TBC1D19: variants seen among roughly 807,000 people sequenced by gnomAD.
The protein encoded by TBC1D19 is TBC1 domain family member 19, also known as TBC1 domain family, member 19.
In TBC1D19, 60 loss-of-function variants were observed where a neutral mutation model predicts 89.0. The observed-to-expected ratio is 0.67, with a 90% CI of 0.55 to 0.84. The LOEUF is 0.84. TBC1D19 is among the 40% of genes least tolerant of loss of function. The pLI is 0.00. For missense variants in TBC1D19, 500 were observed against 610.8 expected (o/e 0.82, Z 1.91); for synonymous variants, 189 against 199.7 (o/e 0.95, Z 0.45).
At chr4:26,739,285 C>T (rs1365233847) in intron 16 of TBC1D19, among the ~76,000 whole-genome samples, 1 of 152,056 alleles carries the variant, frequency 6.6e-6, no homozygotes, top group Non-Finnish European at 1.5e-5. Context: ...TCCTTTCTGC[C>T]TAAGGATTGT....
At chr4:26,831,018 A>G in the TBC1D19 span, among the ~76,000 whole-genome samples, 9 of 152,196 alleles carry the variant, frequency 5.9e-5, no homozygotes, top group Non-Finnish European at 1.2e-4. Flanking sequence ...GCTTTTTCCA[A>G]TAAATTGTTT....
At chr4:26,616,798 T>C (rs1741730052) in intron 3 of TBC1D19, among the ~76,000 whole-genome samples, 1 of 152,212 alleles carries the variant, frequency 6.6e-6, no homozygotes, top group Non-Finnish European at 1.5e-5. Flanking sequence ...GCACTCTCCA[T>C]TTCAGATTGC....
rs560774623 is a variant in TBC1D19 at position 26,645,861 on chromosome 4, C to T, written c.480+5674C>T. 2.0e-4 allele frequency among the ~76,000 whole-genome samples: 31 copies of T among 152,168 alleles called. No homozygotes were observed. The South Asian group carries it at 4.8e-3, about 23-fold the overall frequency. ...GCAAAGGGCCGGGCGCGGTGGCTCA[C>T]GCCTGTAATCCCAGCACTTTGGGAG... On this transcript the variant is annotated intron_variant, in intron 7 of 20. Coordinates refer to ENST00000264866, the MANE Select transcript of TBC1D19 (RefSeq NM_018317.4).
chr4:26,689,665 G>A (rs1289294234), intron 13 of TBC1D19, among the ~76,000 whole-genome samples: 1 of 152,008 alleles, frequency 6.6e-6, no homozygotes, highest in Non-Finnish European at 1.5e-5. Flanking sequence ...GATCTTTGAT[G>A]TTACTACTGT....
rs534680632 is a variant in TBC1D19 at position 26,703,801 on chromosome 4, A to C, written c.955-14132A>C. Among the ~76,000 whole-genome samples the C allele has an allele frequency of 8.0e-3, 1,212 of 151,684 alleles. 6 individuals carry two copies. The highest frequency in any genetic ancestry group is 0.018 in the South Asian group (85 of 4,814). On this transcript the variant is annotated intron_variant, in intron 13 of 20. Coordinates refer to ENST00000264866, the MANE Select transcript of TBC1D19 (RefSeq NM_018317.4). ...ACCCCATCTCTACTAAAAATACAAA[A>C]AAAAAAAAAATTAGCTGGGCGTGGT...
chr4:26,637,335 A>T, intron 5 of TBC1D19, 50 bp downstream of exon 5: 1 of 1,345,516 alleles, frequency 7.4e-7, no homozygotes, highest in Non-Finnish European at 1.1e-6. Flanking sequence ...AATCAAATAC[A>T]GAAAGTATCA....
At chr4:26,631,689 C>G (rs1742816215) in intron 4 of TBC1D19, among the ~76,000 whole-genome samples, 1 of 152,050 alleles carries the variant, frequency 6.6e-6, no homozygotes. Flanking sequence ...ATCAGCACTT[C>G]TTACATTCTT....
chr4:26,632,574 G>A (rs1431419047), intron 4 of TBC1D19, among the ~76,000 whole-genome samples: 1 of 152,030 alleles, frequency 6.6e-6, no homozygotes, highest in Non-Finnish European at 1.5e-5. Context: ...TGTCTTGCCT[G>A]GCAGAGGCAA....
At chr4:26,748,317 C>T in intron 18 of TBC1D19, 94 bp from the exon 19 acceptor site, 1 of 837,248 alleles carries the variant, frequency 1.2e-6, no homozygotes, top group East Asian at 2.5e-5. Context: ...ATTTCTAAGA[C>T]TCTTGAATAG....
At chr4:26,793,617 G>A in the TBC1D19 span, among the ~76,000 whole-genome samples, 3 of 151,942 alleles carry the variant, frequency 2.0e-5, no homozygotes, top group African/African-American at 7.3e-5. Flanking sequence ...CAGCTACTCA[G>A]GAGGCTGAGG....
At chr4:26,701,558 T>C (rs1404111458) in intron 13 of TBC1D19, among the ~76,000 whole-genome samples, 1 of 152,144 alleles carries the variant, frequency 6.6e-6, no homozygotes, top group Non-Finnish European at 1.5e-5. Flanking sequence ...GGGGTTATCT[T>C]TTTCATTATT....
At position 26,600,600 on chromosome 4, in the gene TBC1D19, G is replaced by C. The variant is rs542727607; in HGVS notation, c.100-12569G>C. Among the ~76,000 whole-genome samples the C allele has an allele frequency of 2.6e-5, 4 of 152,332 alleles. No homozygotes were observed. In the East Asian group the frequency reaches 7.7e-4, roughly 29 times the overall value. On this transcript the variant is annotated intron_variant, in intron 1 of 20. Transcript: ENST00000264866. ...TGTGAAGTGAATACTTTCAGGCATA[G>C]AGTATACCACGAAAGGAGGCTAAGA...
At chr4:26,759,335 G>T (rs1719381723), downstream of TBC1D19, among the ~76,000 whole-genome samples, 1 of 152,134 alleles carries the variant, frequency 6.6e-6, no homozygotes, top group South Asian at 2.1e-4. Context: ...CTCATTTACT[G>T]ATAAAGGAAT....
the TBC1D19 span, among the ~76,000 whole-genome samples, chr4:26,806,243 G>A: frequency 4.6e-5 from 7 of 152,158 alleles, no homozygotes; most frequent in Non-Finnish European, 1.5e-5. Flanking sequence ...CTACTCCAGT[G>A]CCACTTCCTC....
chr4:26,818,643 T>A, the TBC1D19 span, among the ~76,000 whole-genome samples: 1 of 152,206 alleles, frequency 6.6e-6, no homozygotes, highest in Non-Finnish European at 1.5e-5. Context: ...AATGTTAACA[T>A]TTACCACACT....
At chr4:26,842,887 A>G in the TBC1D19 span, among the ~76,000 whole-genome samples, 1 of 152,138 alleles carries the variant, frequency 6.6e-6, no homozygotes. Flanking sequence ...TGAATGGATG[A>G]ATGAAATCGT....
At chr4:26,635,906 A>G (rs1013882196) in intron 4 of TBC1D19, among the ~76,000 whole-genome samples, 1 of 152,120 alleles carries the variant, frequency 6.6e-6, no homozygotes, top group Non-Finnish European at 1.5e-5. Flanking sequence ...TTGAGCTTGG[A>G]GAGCAAATTT....
intron 13 of TBC1D19, among the ~76,000 whole-genome samples, chr4:26,694,067 G>A (rs982723599): frequency 6.6e-6 from 1 of 152,126 alleles, no homozygotes; most frequent in Non-Finnish European, 1.5e-5. Flanking sequence ...AGTGGGTGCA[G>A]CCCACCGAGT....
Position 26,637,227 on chromosome 4 carries a change from G to A in TBC1D19, c.311G>A (p.Arg104Lys). ...ATGTTTCAGGGAAGTTGGGAAAAAA[G>A]AATTTTGAAGAGTTTAAATAGTATG... ...MRKAQGSWEK[R>K]ILKSLNSMCT... The change falls in exon 5 of 21, where the codon AGA becomes AAA. Residue 104 changes from arginine to lysine, a missense_variant. Coordinates refer to ENST00000264866, the MANE Select transcript of TBC1D19 (RefSeq NM_018317.4). The A allele has an allele frequency of 6.2e-7, 1 of 1,606,952 alleles. No individual in the cohort carries two copies.
Sources: gnomAD v4.1 joint callset for allele counts (sites outside exome capture counted in the v4.1 genomes callset) on GRCh38, gnomAD v4.1.1 for gene constraint, MANE v1.5 for transcripts, NCBI Gene and HGNC (gene_info 2026-07-23, HGNC 2026-07-21) for gene names.